PARP4: variants seen among roughly 807,000 people sequenced by gnomAD.
PARP4 encodes the protein poly(ADP-ribose) polymerase family member 4.
A neutral mutation model predicts 187.7 loss-of-function variants in PARP4; 120 were observed. That is an observed-to-expected ratio of 0.64 (90% CI 0.55 to 0.74). PARP4 has a LOEUF of 0.74. Ranked by LOEUF, PARP4 falls within the 30% of genes least tolerant of loss-of-function variation. The pLI, the probability that PARP4 is intolerant of heterozygous loss-of-function variation, is 0.00. For synonymous variants in PARP4, 654 were observed against 740.9 expected, an observed-to-expected ratio of 0.88 and a Z score of 1.90; for missense variants, 1,836 against 2,070.5, an observed-to-expected ratio of 0.89 and a Z score of 2.20.
chr13:24,424,028 T>G (rs1193433903), intron 33 of PARP4, among the ~76,000 whole-genome samples: 2 of 152,090 alleles, frequency 1.3e-5, no homozygotes, highest in Non-Finnish European at 1.5e-5. Context: ...TAGGCTGGTC[T>G]TAAACTTCTG....
intron 1 of PARP4, among the ~76,000 whole-genome samples, chr13:24,505,363 G>A (rs1869574589): frequency 6.6e-6 from 1 of 151,640 alleles, no homozygotes; most frequent in African/African-American, 2.4e-5. Context: ...ATATCGATAA[G>A]ATGTTCCCAT....
intron 30 of PARP4, among the ~76,000 whole-genome samples, chr13:24,440,688 G>A (rs1254447437): frequency 1.3e-5 from 2 of 152,086 alleles, no homozygotes; most frequent in African/African-American, 2.4e-5. Context: ...AGAGTGAAGC[G>A]CGGGCTGGGG....
Position 24,501,646 on chromosome 13 carries a change from C to T in PARP4, c.321G>A (p.Lys107=), listed in dbSNP as rs1302790694. ...PLDITPPPDQ[K]ASSSEVKTEG... Reference sequence around the variant, plus strand: ...TGAAATACCTACCAGAACTGCTCGCCTTCTGATCAGGAGGTGGTGTGATGT... The same window carrying T: ...TGAAATACCTACCAGAACTGCTCGCTTTCTGATCAGGAGGTGGTGTGATGT... The change falls in exon 3 of 34, where the codon AAG becomes AAA. Residue 107 remains lysine (K), a synonymous_variant. Transcript: ENST00000381989. The T allele has an allele frequency of 1.2e-6, 2 of 1,611,548 alleles. No individual in the cohort carries two copies. Among genetic ancestry groups the T allele is most frequent in the African/African-American group, 1.3e-5 (1 of 74,842 alleles).
In PARP4 at chr13:24,426,548, G is replaced by A. The variant is rs1870059787; in HGVS notation, c.4897C>T (p.Leu1633=). The change falls in exon 33 of 34, where the codon CTA becomes TTA. Residue 1633 remains leucine, a synonymous_variant. Transcript: ENST00000381989. ...TCCAACCTGGTGCGAATAAACTGTA[G>A]TACCAGCATTGTGGCAATTAGGTCC... ...LLDLIATMLV[L]QFIRTRLEKE... The A allele has an allele frequency of 6.2e-7, 1 of 1,611,786 alleles. No homozygotes were observed. Among genetic ancestry groups the A allele is most frequent in the Non-Finnish European group, 8.5e-7 (1 of 1,178,402 alleles).
At chr13:24,423,075 G>C (rs1467040459) in intron 33 of PARP4, among the ~76,000 whole-genome samples, 1 of 152,140 alleles carries the variant, frequency 6.6e-6, no homozygotes, top group Non-Finnish European at 1.5e-5. Flanking sequence ...TGTTTTAACA[G>C]CTATAATATT....
chr13:24,494,376 G>A (rs1245589564), intron 7 of PARP4, among the ~76,000 whole-genome samples, 197 bp downstream of exon 7: 1 of 152,050 alleles, frequency 6.6e-6, no homozygotes, highest in African/African-American at 2.4e-5. Flanking sequence ...TTCAGTTTAC[G>A]TAGAAATGGG....
In PARP4 at chr13:24,449,771, C is replaced by G. The variant is rs1423757756; in HGVS notation, c.3061G>C (p.Ala1021Pro). ...HVLRILSQCGAGVFEYFNAKS... is the reference protein window; with the variant it reads ...HVLRILSQCGPGVFEYFNAKS... ...GCATTAAAATATTCAAATACTCCGG[C>G]ACCACACTGGGACAAAATCCTTAAG... The change falls in exon 25 of 34, where the codon GCC becomes CCC. Residue 1021 changes from alanine to proline, a missense_variant. This residue lies in a region of PARP4 where 56 missense variants were observed against 103.7 expected (regional missense o/e 0.54). Transcript: ENST00000381989. 1 of 1,611,544 alleles carries G rather than the reference C, an allele frequency of 6.2e-7. No individual in the cohort carries two copies. The highest frequency in any genetic ancestry group is 1.3e-5 in the African/African-American group (1 of 74,962).
intron 15 of PARP4, among the ~76,000 whole-genome samples, chr13:24,471,688 C>T (rs1423066441): frequency 2.0e-5 from 3 of 152,114 alleles, no homozygotes; most frequent in East Asian, 1.9e-4. Flanking sequence ...ACTGCTAAAT[C>T]GAGTTATTTT....
At chr13:24,459,703 T>C (rs1872097991) in intron 18 of PARP4, among the ~76,000 whole-genome samples, 2 of 152,248 alleles carry the variant, frequency 1.3e-5, no homozygotes, top group African/African-American at 4.8e-5. Context: ...TCTATGCTTA[T>C]CTAGTTCTTC....
chr13:24,494,154 G>A (rs1359451891), intron 7 of PARP4, among the ~76,000 whole-genome samples: 3 of 152,136 alleles, frequency 2.0e-5, no homozygotes, highest in African/African-American at 7.2e-5. Flanking sequence ...GCCTTTCTAT[G>A]AGTTCAGATT....
chr13:24,439,166 A>C (rs1256236281), intron 30 of PARP4, among the ~76,000 whole-genome samples: 7 of 152,068 alleles, frequency 4.6e-5, no homozygotes, highest in Non-Finnish European at 8.8e-5. Context: ...TAATTTCAAA[A>C]ATTTCTATAA....
chr13:24,437,590 G>A (rs1870692785), intron 30 of PARP4, among the ~76,000 whole-genome samples: 1 of 126,288 alleles, frequency 7.9e-6, no homozygotes, highest in Admixed American at 7.7e-5. Context: ...GTGATACATA[G>A]GGCTGTAAGA....
chr13:24,426,662 T>C, intron 32 of PARP4, 64 bp from the exon 33 acceptor site: 1 of 1,401,702 alleles, frequency 7.1e-7, no homozygotes, highest in Non-Finnish European at 9.9e-7. Context: ...TGCCTGTTTA[T>C]AAAATTCTCA....
chr13:24,458,986 TGATAA>T lies in PARP4; in HGVS notation c.2424+53_2424+57del, dbSNP rs780210283. On this transcript the variant is annotated intron_variant, in intron 20 of 33. Transcript: ENST00000381989. ...TTTCAACCACGTGCATACATTGCTT[TGATAA>T]GATAAAAGTAGTGTTAAAATAACAG... The T allele has an allele frequency of 6.4e-4, 787 of 1,224,836 alleles. 1 individual carries two copies. Among genetic ancestry groups the T allele is most frequent in the Non-Finnish European group, 5.1e-4 (427 of 835,552 alleles). The allele number at this position is 1,224,836 out of a possible 1,614,324, so 75.9% of individuals were successfully genotyped here. A position where few individuals can be genotyped will look rare whatever the true frequency, so the allele number is the denominator to read the frequency against.
intron 1 of PARP4, among the ~76,000 whole-genome samples, chr13:24,507,884 C>T (rs1389023252): frequency 2.0e-5 from 3 of 152,166 alleles, no homozygotes; most frequent in Non-Finnish European, 4.4e-5. Flanking sequence ...CTCTGGGACC[C>T]CCAGCCCTTC....
intron 1 of PARP4, among the ~76,000 whole-genome samples, chr13:24,507,778 C>A (rs1246618149): frequency 6.6e-6 from 1 of 152,210 alleles, no homozygotes; most frequent in Non-Finnish European, 1.5e-5. Flanking sequence ...CTATCTCATT[C>A]CCTCCTGGCC....
In PARP4 at chr13:24,431,386, G is replaced by A. The variant is rs1870325465; in HGVS notation, c.4837C>T (p.Gln1613Ter). ...LHSFLKQKGI[Q>*]SLGVKGRECL... ...AAACATAGTGCCTTACCTAGAGATT[G>A]AATGCCTTTTTGTTTAAGAAAGCTG... The change falls in exon 32 of 34, where the codon CAA (glutamine) becomes TAA (stop). Residue 1613 changes from glutamine (Q) to a stop codon, truncating the protein, a stop_gained. Transcript: ENST00000381989. LOFTEE classifies it high-confidence loss of function. The A allele has an allele frequency of 6.4e-7, 1 of 1,566,172 alleles. No individual in the cohort carries two copies. Among genetic ancestry groups the A allele is most frequent in the African/African-American group, 1.4e-5 (1 of 73,280 alleles).
At chr13:24,468,750 G>C (rs962645390) in intron 17 of PARP4, among the ~76,000 whole-genome samples, 1 of 152,124 alleles carries the variant, frequency 6.6e-6, no homozygotes, top group East Asian at 1.9e-4. Context: ...TACCTCAAAT[G>C]TTATCTTTTT....
At chr13:24,451,200 A>G (rs1338081797) in intron 24 of PARP4, among the ~76,000 whole-genome samples, 2 of 152,152 alleles carry the variant, frequency 1.3e-5, no homozygotes, top group Non-Finnish European at 2.9e-5. Flanking sequence ...CTGACCTGGG[A>G]GCAGGGGGCA....
Sources: allele counts gnomAD v4.1 joint callset (sites outside exome capture counted in the v4.1 genomes callset), GRCh38; gene constraint gnomAD v4.1.1; regional missense constraint gnomAD v4.1.1; transcripts MANE v1.5; gene names NCBI Gene and HGNC (gene_info 2026-07-23, HGNC 2026-07-21).